The following SMOC2 variants were observed in gnomAD, a reference collection of about 807,000 sequenced individuals.
SMOC2 encodes the protein SPARC related modular calcium binding 2, also known as SPARC-related modular calcium-binding protein 2.
In SMOC2, 39 loss-of-function variants were observed where a neutral mutation model predicts 61.4. The observed-to-expected ratio is 0.64, with a 90% confidence interval of 0.49 to 0.83. The LOEUF (loss-of-function observed/expected upper bound fraction) is 0.83. SMOC2 is among the 40% of genes least tolerant of loss of function. The pLI is 0.00. For missense variants in SMOC2, 556 were observed against 592.9 expected, an observed-to-expected ratio of 0.94 and a Z score of 0.65; for synonymous variants, 247 against 239.9, an observed-to-expected ratio of 1.03 and a Z score of -0.27.
intron 11 of SMOC2, among the ~76,000 whole-genome samples, chr6:168,656,507 T>TAAAAAAAAAAAAAAAAA (rs5881805): frequency 3.5e-5 from 3 of 86,810 alleles, no homozygotes; most frequent in African/African-American, 7.8e-5. Context: ...GACTTTGTGT[T>TAAAAAAAAAAAAAAAAA]AAAAAAAAAA....
chr6:168,442,893 T>A (rs1451848047), intron 1 of SMOC2, among the ~76,000 whole-genome samples: 1 of 152,216 alleles, frequency 6.6e-6, no homozygotes, highest in Non-Finnish European at 1.5e-5. Context: ...TTTCACACAC[T>A]CAGGCTTTCC....
intron 1 of SMOC2, among the ~76,000 whole-genome samples, chr6:168,451,126 C>T (rs1185725513): frequency 1.3e-5 from 2 of 152,170 alleles, no homozygotes; most frequent in Admixed American, 6.5e-5. Context: ...GATTTATTCC[C>T]CAGGGGAAAG....
At chr6:168,665,044 G>A (rs1210245724) in intron 12 of SMOC2, 1 of 296,628 alleles carries the variant, frequency 3.4e-6, no homozygotes, top group Non-Finnish European at 6.6e-6. Context: ...CCTTTGTTTA[G>A]CAAATGTTTA....
chr6:168,472,926 C>G (rs751096566), intron 1 of SMOC2, among the ~76,000 whole-genome samples: 1 of 152,126 alleles, frequency 6.6e-6, no homozygotes, highest in South Asian at 2.1e-4. Context: ...AGTCTTCTTT[C>G]CATCAGAATC....
intron 4 of SMOC2, among the ~76,000 whole-genome samples, chr6:168,536,953 CG>C (rs1562334509): frequency 6.6e-6 from 1 of 152,072 alleles, no homozygotes; most frequent in African/African-American, 2.4e-5. Context: ...CTGGCAGGGT[CG>C]GGGCAGCAGG....
intron 4 of SMOC2, among the ~76,000 whole-genome samples, chr6:168,533,081 G>A (rs537070993): frequency 4.6e-5 from 7 of 152,068 alleles, no homozygotes; most frequent in Non-Finnish European, 1.0e-4. Flanking sequence ...GCCTTCTCTA[G>A]GAATTGCCTC....
intron 11 of SMOC2, among the ~76,000 whole-genome samples, chr6:168,657,109 C>A (rs1787342863): frequency 6.6e-6 from 1 of 152,272 alleles, no homozygotes. Flanking sequence ...CAAATGCCCA[C>A]TCACCACTGT....
chr6:168,661,896 A>T (rs143216011), intron 11 of SMOC2, among the ~76,000 whole-genome samples: 363 of 152,358 alleles, frequency 2.4e-3, no homozygotes, highest in South Asian at 0.011. Flanking sequence ...TCATTTTGGC[A>T]CTTAGACCAT....
At chr6:168,528,423 G>A (rs936322767) in intron 4 of SMOC2, among the ~76,000 whole-genome samples, 6 of 152,142 alleles carry the variant, frequency 3.9e-5, no homozygotes, top group African/African-American at 1.4e-4. Flanking sequence ...TGGATCATAT[G>A]TATTAAGATA....
At chr6:168,562,934 C>G (rs1004851543) in intron 7 of SMOC2, among the ~76,000 whole-genome samples, 1 of 152,206 alleles carries the variant, frequency 6.6e-6, no homozygotes, top group Non-Finnish European at 1.5e-5. Context: ...AGCCTAGAAT[C>G]GAACCAACCC....
At chr6:168,554,650 C>T (rs189204083) in intron 7 of SMOC2, among the ~76,000 whole-genome samples, 119 of 152,332 alleles carry the variant, frequency 7.8e-4, no homozygotes, top group African/African-American at 2.6e-3. Flanking sequence ...ACACACAGTC[C>T]TCGGAGCTGG....
chr6:168,608,222 A>T lies in SMOC2; in HGVS notation c.890A>T (p.Lys297Met), dbSNP rs754312110. ...CCAGCCAAAGCCCGGGACCTGTACA[A>T]GGGCCGCCAGCTACAAGGTGAGCAG... ...AHPAKARDLY[K>M]GRQLQGCPGA... The change falls in exon 9 of 13, where the codon AAG (lysine) becomes ATG (methionine). Residue 297 changes from lysine to methionine, a missense_variant. By Grantham distance (95) the Lys-to-Met change is moderately conservative. Transcript: ENST00000356284. The T allele has an allele frequency of 6.2e-7, 1 of 1,612,634 alleles. No homozygotes were observed. The highest frequency in any genetic ancestry group is 1.3e-5 in the African/African-American group (1 of 74,928).
At chr6:168,569,957 G>A (rs911080089) in intron 7 of SMOC2, among the ~76,000 whole-genome samples, 6 of 152,288 alleles carry the variant, frequency 3.9e-5, no homozygotes, top group East Asian at 1.9e-4. Context: ...TTTCTCCTGC[G>A]TTACCTTCTA....
rs1415566671 is a variant in SMOC2, at chr6:168,599,648, ACT to A, written c.824+646_824+647del. 6.9e-5 allele frequency among the ~76,000 whole-genome samples: 7 copies of A among 101,096 alleles called. No homozygotes were observed. The South Asian group carries it at 1.8e-3, about 26-fold the overall frequency. The allele number at this position is 101,096 out of a possible 152,430, so 66.3% of individuals were successfully genotyped here. ...ACCACACACACCCACACCCACACAC[ACT>A]CATACCCACACTCACACACTCCCCT... is the stretch of plus-strand genomic sequence containing the variant. On this transcript the variant is annotated intron_variant, in intron 8 of 12. Coordinates refer to ENST00000356284, the MANE Select transcript of SMOC2 (RefSeq NM_001166412.2).
chr6:168,619,629 G>T (rs1052322700), intron 9 of SMOC2, among the ~76,000 whole-genome samples: 2 of 152,112 alleles, frequency 1.3e-5, no homozygotes, highest in African/African-American at 4.8e-5. Context: ...ATTGATTGAG[G>T]CTCTACCATA....
chr6:168,545,245 A>G (rs1783964377), intron 5 of SMOC2, among the ~76,000 whole-genome samples: 2 of 145,742 alleles, frequency 1.4e-5, no homozygotes, highest in African/African-American at 5.7e-5. Flanking sequence ...TATGATATTT[A>G]TTGTACCCAC....
intron 4 of SMOC2, among the ~76,000 whole-genome samples, chr6:168,536,774 T>C (rs73258941): frequency 0.016 from 2,393 of 152,162 alleles, 59 homozygotes; most frequent in African/African-American, 0.051. Flanking sequence ...CTCCAGAATG[T>C]CCCCAACAAG....
At chr6:168,599,477 ACACAATCATACCCCACACACCCACT>A (rs1785453194) in intron 8 of SMOC2, among the ~76,000 whole-genome samples, 1 of 110,788 alleles carries the variant, frequency 9.0e-6, no homozygotes, top group Non-Finnish European at 1.8e-5. Context: ...TCACACCCAC[ACACAATCATACCCCACACACCCACT>A]GACACTCACA....
chr6:168,609,520 C>A (rs1785798549), intron 9 of SMOC2, among the ~76,000 whole-genome samples: 1 of 152,152 alleles, frequency 6.6e-6, no homozygotes, highest in South Asian at 2.1e-4. Context: ...TTGCCTTTGA[C>A]CCCGTGTCTG....
Sources: allele counts gnomAD v4.1 joint callset (sites outside exome capture counted in the v4.1 genomes callset), GRCh38; gene constraint gnomAD v4.1.1; transcripts MANE v1.5; gene names NCBI Gene and HGNC (gene_info 2026-07-23, HGNC 2026-07-21).